KIAA1671: variants seen among roughly 807,000 people sequenced by gnomAD.
The protein encoded by KIAA1671 is KIAA1671.
KIAA1671 carries 52 observed loss-of-function variants against 131.2 expected under a neutral mutation model. The ratio of observed to expected loss-of-function variants is 0.40; its 90% CI spans 0.32 to 0.50. KIAA1671 has a LOEUF of 0.50. Among genes scored for constraint, KIAA1671 ranks in the 20% least tolerant of loss-of-function variants. The probability of loss-of-function intolerance (pLI) is 0.73; values close to 1 mark genes in which losing one functional copy is unlikely to be tolerated. For synonymous variants in KIAA1671, 1,003 were observed against 961.6 expected, an observed-to-expected ratio of 1.04 and a Z score of -0.80; for missense variants, 2,360 against 2,364.2, an observed-to-expected ratio of 1.00 and a Z score of 0.04.
chr22:25,027,789 G>A (rs1876793381), intron 2 of KIAA1671, among the ~76,000 whole-genome samples, 156 bp from the exon 3 acceptor site: 1 of 152,232 alleles, frequency 6.6e-6, no homozygotes, highest in Non-Finnish European at 1.5e-5. Flanking sequence ...CAGAGACGGG[G>A]AGAGGCAGGC....
At chr22:25,187,724 C>G (rs559830088) in intron 11 of KIAA1671, among the ~76,000 whole-genome samples, 1 of 152,054 alleles carries the variant, frequency 6.6e-6, no homozygotes, top group Non-Finnish European at 1.5e-5. Flanking sequence ...TTGCCCAGGC[C>G]GGTCTCGAAT....
intron 6 of KIAA1671, among the ~76,000 whole-genome samples, chr22:25,109,729 TC>T (rs1931234112): frequency 6.6e-6 from 1 of 152,202 alleles, no homozygotes; most frequent in African/African-American, 2.4e-5. Flanking sequence ...ACCACTGTCA[TC>T]CCCTGCTGGG....
intron 1 of KIAA1671, among the ~76,000 whole-genome samples, chr22:24,974,517 A>G (rs1297115219): frequency 6.6e-6 from 1 of 152,036 alleles, no homozygotes; most frequent in Non-Finnish European, 1.5e-5. Flanking sequence ...AAGCTAATGC[A>G]TGAGCTCCGT....
intron 6 of KIAA1671, among the ~76,000 whole-genome samples, chr22:25,138,503 C>G (rs886667784): frequency 6.6e-6 from 1 of 152,126 alleles, no homozygotes; most frequent in African/African-American, 2.4e-5. Flanking sequence ...ATAAGTCTGC[C>G]CAAGTCCATT....
chr22:24,975,387 T>C (rs1922861045), intron 1 of KIAA1671, among the ~76,000 whole-genome samples: 1 of 151,700 alleles, frequency 6.6e-6, no homozygotes, highest in Admixed American at 6.6e-5. Context: ...GGTGCAATCC[T>C]AGCTCACTGC....
At chr22:24,976,779 A>G (rs555560775) in intron 1 of KIAA1671, among the ~76,000 whole-genome samples, 24 of 152,088 alleles carry the variant, frequency 1.6e-4, no homozygotes, top group African/African-American at 5.5e-4. Context: ...CTCGTGCAAG[A>G]GACGCACTGC....
At chr22:25,099,251 G>A (rs900521150) in intron 6 of KIAA1671, among the ~76,000 whole-genome samples, 20 of 152,084 alleles carry the variant, frequency 1.3e-4, no homozygotes, top group African/African-American at 4.6e-4. Flanking sequence ...GAAGGGTACC[G>A]TTTTTCTCCC....
At chr22:25,062,712 A>G (rs1277797544) in intron 6 of KIAA1671, 11 of 152,208 alleles carry the variant, frequency 7.2e-5, no homozygotes, top group Non-Finnish European at 4.4e-5. Context: ...GCCCCTCCGC[A>G]TGGTGGAGAG....
chr22:25,038,782 A>C lies in KIAA1671; in HGVS notation c.1652A>C (p.Asp551Ala). 6.5e-7 allele frequency: 1 copy of C among 1,542,002 alleles called. No individual in the cohort carries two copies. The highest frequency in any genetic ancestry group is 8.8e-7 in the Non-Finnish European group (1 of 1,138,840). Residue 551 changes from aspartate (D) to alanine (A), a missense_variant, in exon 5 of 13, where the codon GAT becomes GCT. By Grantham distance (126) the Asp-to-Ala change is moderately radical. Transcript: ENST00000358431. ...REKQKEGHSL[D>A]GACIPRSPWK... Reference sequence around the variant, plus strand: ...CAGCAAAAGGAGGGGCACAGTTTGGATGGAGCATGCATCCCGAGAAGCCCC... The same window carrying C: ...CAGCAAAAGGAGGGGCACAGTTTGGCTGGAGCATGCATCCCGAGAAGCCCC...
intron 6 of KIAA1671, 95 bp downstream of exon 6, chr22:25,049,459 G>A (rs1927416436): frequency 7.2e-7 from 1 of 1,384,828 alleles, no homozygotes; most frequent in African/African-American, 1.4e-5. Flanking sequence ...GGACAGCCCA[G>A]GGCCCTGACG....
At chr22:25,185,537 G>C (rs1934446901) in intron 11 of KIAA1671, 2 of 172,550 alleles carry the variant, frequency 1.2e-5, no homozygotes, top group African/African-American at 2.4e-5. Context: ...CGGCCAGGTT[G>C]AATGAGATCG....
intron 6 of KIAA1671, among the ~76,000 whole-genome samples, chr22:25,074,403 G>A (rs1308453942): frequency 6.7e-6 from 1 of 149,486 alleles, no homozygotes; most frequent in Non-Finnish European, 1.5e-5. Context: ...TACTCGGGAG[G>A]CTGAGGCAGG....
intron 4 of KIAA1671, among the ~76,000 whole-genome samples, chr22:25,036,307 C>A (rs996300584): frequency 2.0e-5 from 3 of 151,512 alleles, no homozygotes; most frequent in Admixed American, 6.6e-5. Context: ...CTCGAACTCC[C>A]GACCTCAGGT....
Position 25,029,485 on chromosome 22 carries a change from G to A in KIAA1671, c.1486G>A (p.Glu496Lys), listed in dbSNP as rs1349468745. Residue 496 changes from glutamate to lysine, a missense_variant, in exon 3 of 13, where the codon GAG becomes AAG. Coordinates refer to ENST00000358431, the MANE Select transcript of KIAA1671 (RefSeq NM_001145206.2). Reference protein sequence around the residue: ...WTAESSEAKPEVRRRTFQARP... With the variant: ...WTAESSEAKPKVRRRTFQARP... ...TGCCGAGAGCTCAGAGGCTAAGCCCGAGGTCAGGAGGAGGACGTTCCAGGC... is the reference window on the plus strand; with the variant it reads ...TGCCGAGAGCTCAGAGGCTAAGCCCAAGGTCAGGAGGAGGACGTTCCAGGC... 16 of 1,550,520 alleles carry A rather than the reference G, an allele frequency of 1.0e-5. No homozygotes were observed. Among genetic ancestry groups the A allele is most frequent in the Admixed American group, 5.9e-5 (3 of 50,878 alleles).
chr22:25,112,553 C>A (rs1568962667), intron 6 of KIAA1671: 2 of 396,414 alleles, frequency 5.0e-6, no homozygotes, highest in African/African-American at 4.1e-5. Context: ...GACATCAAAC[C>A]GGGGAAGTTA....
At chr22:25,070,211 G>T in intron 6 of KIAA1671, 2 of 395,070 alleles carry the variant, frequency 5.1e-6, no homozygotes, top group Non-Finnish European at 9.0e-6. Flanking sequence ...CATTAGTGGA[G>T]CCGACTGGCT....
intron 1 of KIAA1671, among the ~76,000 whole-genome samples, chr22:24,989,949 G>T (rs920593674): frequency 6.6e-6 from 1 of 152,106 alleles, no homozygotes; most frequent in Non-Finnish European, 1.5e-5. Flanking sequence ...ATGGTAGAGA[G>T]CTTTTTCTAG....
chr22:25,097,536 G>C (rs111605922), intron 6 of KIAA1671, among the ~76,000 whole-genome samples: 250 of 152,092 alleles, frequency 1.6e-3, no homozygotes, highest in African/African-American at 5.9e-3. Flanking sequence ...GTCAGGAGAT[G>C]GAGACCATCC....
chr22:24,992,316 A>G (rs950270538), intron 1 of KIAA1671, among the ~76,000 whole-genome samples: 4 of 152,050 alleles, frequency 2.6e-5, no homozygotes, highest in African/African-American at 4.8e-5. Context: ...CCGGGCTTTT[A>G]CTGGGGGACA....
Sources: allele counts gnomAD v4.1 joint callset (sites outside exome capture counted in the v4.1 genomes callset), GRCh38; gene constraint gnomAD v4.1.1; transcripts MANE v1.5; gene names NCBI Gene and HGNC (gene_info 2026-07-23, HGNC 2026-07-21).